The following SUZ12 variants were observed in gnomAD, a reference collection of about 807,000 sequenced individuals.
The protein encoded by SUZ12 is polycomb protein SUZ12.
Under a neutral mutation model 87.3 loss-of-function variants are expected in SUZ12, and 17 were observed. That is an observed-to-expected ratio of 0.19 (90% CI 0.13 to 0.29). The LOEUF (loss-of-function observed/expected upper bound fraction) is 0.29, where lower values mean the gene tolerates loss of function less well. Ranked by LOEUF, SUZ12 falls within the 10% of genes least tolerant of loss-of-function variation. The probability of loss-of-function intolerance (pLI) is 1.00; values close to 1 mark genes in which losing one functional copy is unlikely to be tolerated. For synonymous variants in SUZ12, 253 were observed against 312.4 expected (o/e 0.81, Z 2.01); for missense variants, 526 against 912.2 (o/e 0.58, Z 5.45).
chr17:31,981,913 A>G (rs1240899539), intron 8 of SUZ12, among the ~76,000 whole-genome samples: 1 of 152,228 alleles, frequency 6.6e-6, no homozygotes, highest in African/African-American at 2.4e-5. Context: ...TGCCTGGCAC[A>G]TAGTGAACAC....
Position 31,993,249 on chromosome 17 carries a change from A to C in SUZ12, c.1209A>C (p.Lys403Asn). Residue 403 changes from lysine (K) to asparagine (N), a missense_variant, in exon 11 of 16, where the codon AAA becomes AAC. By Grantham distance (94) the Lys-to-Asn change is moderately conservative. Around this residue, in one of 9 missense-constraint regions of SUZ12, gnomAD observed 85 missense variants for 87.4 expected, o/e 0.97. Coordinates refer to ENST00000322652, the MANE Select transcript of SUZ12 (RefSeq NM_015355.4). ...SVKPTQTIAV[K>N]ESLTTDLQTR... The stretch of plus-strand genomic sequence containing the variant: ...AAAAGTGTATGTTTTCAGCTGTTAA[A>C]GAATCATTGACTACAGATCTACAAA... The C allele has an allele frequency of 6.4e-7, 1 of 1,570,554 alleles. No homozygotes were observed. Among genetic ancestry groups the C allele is most frequent in the Non-Finnish European group, 8.6e-7 (1 of 1,166,832 alleles).
chr17:31,938,090 C>T (rs544364898), intron 1 of SUZ12, among the ~76,000 whole-genome samples: 1 of 152,178 alleles, frequency 6.6e-6, no homozygotes, highest in African/African-American at 2.4e-5. Flanking sequence ...AGAGAGTGGT[C>T]AAGCATCTTC....
intron 5 of SUZ12, among the ~76,000 whole-genome samples, chr17:31,969,962 T>G (rs1221243649): frequency 6.6e-6 from 1 of 152,134 alleles, no homozygotes; most frequent in Non-Finnish European, 1.5e-5. Context: ...TCTTGCTCTG[T>G]CACTCATGCT....
chr17:31,937,203 G>T lies in SUZ12; in HGVS notation c.-44G>T, dbSNP rs1905979894. 2 of 1,393,590 alleles carry T rather than the reference G, an allele frequency of 1.4e-6. No homozygotes were observed. Among genetic ancestry groups the T allele is most frequent in the South Asian group, 3.2e-5 (2 of 62,748 alleles). The allele number at this position is 1,393,590 out of a possible 1,614,324, so 86.3% of individuals were successfully genotyped here. On this transcript the variant is annotated 5_prime_UTR_variant, in exon 1 of 16. Transcript: ENST00000322652. Reference sequence around the variant, plus strand: ...GTATTGCAGGCGCTTGCTCTCCGGGGCCGCCCGGCGGGTAGCTGGCGGGGG... The same window carrying T: ...GTATTGCAGGCGCTTGCTCTCCGGGTCCGCCCGGCGGGTAGCTGGCGGGGG...
intron 4 of SUZ12, among the ~76,000 whole-genome samples, chr17:31,958,191 C>T (rs971422578): frequency 7.9e-5 from 12 of 151,968 alleles, no homozygotes; most frequent in South Asian, 4.2e-4. Flanking sequence ...CGTGAGCCAC[C>T]GCGCCCAGCC....
At chr17:31,948,596 T>TA (rs1248303543) in intron 4 of SUZ12, among the ~76,000 whole-genome samples, 1 of 152,236 alleles carries the variant, frequency 6.6e-6, no homozygotes, top group African/African-American at 2.4e-5. Flanking sequence ...TGTTGACTGG[T>TA]AAAAGACTTC....
chr17:32,000,651 A>G lies in SUZ12; in HGVS notation c.*1648A>G, dbSNP rs1392458487. On this transcript the variant is annotated 3_prime_UTR_variant, in exon 16 of 16. Coordinates refer to ENST00000322652, the MANE Select transcript of SUZ12 (RefSeq NM_015355.4). ...CATATGTAAAAAAAAAAAAAAAAAG[A>G]TTATTTTAGGGGAGATGTAGGTGTA... is the stretch of plus-strand genomic sequence containing the variant. 1.3e-5 allele frequency: 3 copies of G among 226,976 alleles called. No individual in the cohort carries two copies. In the East Asian group the frequency reaches 1.9e-4, roughly 14 times the overall value. The allele number at this position is 226,976 out of a possible 1,614,324, so 14.1% of individuals were successfully genotyped here.
chr17:31,982,493 T>C (rs1909171858), intron 8 of SUZ12, among the ~76,000 whole-genome samples: 1 of 152,116 alleles, frequency 6.6e-6, no homozygotes, highest in Non-Finnish European at 1.5e-5. Flanking sequence ...AACCCATCTC[T>C]ACTAAAAATA....
intron 4 of SUZ12, among the ~76,000 whole-genome samples, chr17:31,961,212 CAAA>C (rs764900871): frequency 7.4e-6 from 1 of 136,018 alleles, no homozygotes; most frequent in Non-Finnish European, 1.6e-5. Flanking sequence ...GACTCCGTCT[CAAA>C]AAAAAAAAAA....
chr17:31,964,039 T>TTTTTGTA (rs375910553), intron 4 of SUZ12: 10,574 of 151,540 alleles, frequency 0.07, no homozygotes, highest in African/African-American at 0.23. Context: ...TGTTTTTTGT[T>TTTTTGTA]TTTTTGAGGC....
intron 5 of SUZ12, among the ~76,000 whole-genome samples, chr17:31,971,532 C>T (rs1466216977): frequency 2.7e-5 from 4 of 149,196 alleles, no homozygotes; most frequent in Non-Finnish European, 5.9e-5. Flanking sequence ...ACCCCTGGTT[C>T]AAGCAGTTCT....
intron 5 of SUZ12, among the ~76,000 whole-genome samples, chr17:31,971,024 T>C (rs1391061600): frequency 5.3e-5 from 8 of 152,208 alleles, no homozygotes; most frequent in Non-Finnish European, 8.8e-5. Flanking sequence ...AAGCCTGTGT[T>C]AATTTACATA....
At chr17:31,988,562 A>G (rs1909533359) in intron 10 of SUZ12, 65 bp downstream of exon 10, 2 of 1,403,664 alleles carry the variant, frequency 1.4e-6, no homozygotes, top group Non-Finnish European at 1.9e-6. Context: ...TGTGCTTTAG[A>G]TTAATTCATT....
At chr17:31,962,709 C>G (rs1432613576) in intron 4 of SUZ12, among the ~76,000 whole-genome samples, 1 of 152,234 alleles carries the variant, frequency 6.6e-6, no homozygotes, top group Non-Finnish European at 1.5e-5. Flanking sequence ...TTTTCTGACT[C>G]TATAAATTCA....
intron 4 of SUZ12, among the ~76,000 whole-genome samples, chr17:31,955,702 C>A (rs534433200): frequency 3.3e-5 from 5 of 151,496 alleles, no homozygotes; most frequent in African/African-American, 1.2e-4. Flanking sequence ...GAGGAGAGAT[C>A]GCGCCATTGC....
intron 4 of SUZ12, among the ~76,000 whole-genome samples, chr17:31,959,979 T>TA (rs1907597346): frequency 6.6e-6 from 1 of 152,216 alleles, no homozygotes; most frequent in Non-Finnish European, 1.5e-5. Flanking sequence ...TCTTATATCT[T>TA]ATTCTGGTCA....
chr17:31,985,299 A>G (rs1309156195), intron 9 of SUZ12, among the ~76,000 whole-genome samples: 1 of 152,022 alleles, frequency 6.6e-6, no homozygotes, highest in Non-Finnish European at 1.5e-5. Context: ...CTTGTTAACA[A>G]AAGATGTAGG....
chr17:31,952,794 C>T (rs1241375279), intron 4 of SUZ12, among the ~76,000 whole-genome samples: 3 of 152,060 alleles, frequency 2.0e-5, no homozygotes, highest in African/African-American at 4.8e-5. Context: ...AACTCCTGAC[C>T]TCAAGTGATC....
intron 3 of SUZ12, among the ~76,000 whole-genome samples, chr17:31,943,037 G>A (rs1906401175): frequency 6.6e-6 from 1 of 152,218 alleles, no homozygotes; most frequent in South Asian, 2.1e-4. Flanking sequence ...TGTAAATCTT[G>A]TATTTTGAAG....
Sources: gnomAD v4.1 joint callset for allele counts (sites outside exome capture counted in the v4.1 genomes callset) on GRCh38, gnomAD v4.1.1 for gene constraint, gnomAD v4.1.1 regional missense constraint, MANE v1.5 for transcripts, NCBI Gene and HGNC (gene_info 2026-07-23, HGNC 2026-07-21) for gene names.